DOCK4: variants seen among roughly 807,000 people sequenced by gnomAD.
DOCK4 encodes the protein dedicator of cytokinesis 4.
Under a neutral mutation model 268.1 loss-of-function variants are expected in DOCK4, and 97 were observed. That is an observed-to-expected ratio of 0.36 (90% CI 0.31 to 0.43). The LOEUF (loss-of-function observed/expected upper bound fraction) is 0.43, where lower values mean the gene tolerates loss of function less well. DOCK4 is among the 20% of genes least tolerant of loss of function. The probability of loss-of-function intolerance (pLI) is 1.00; values close to 1 mark genes in which losing one functional copy is unlikely to be tolerated. For synonymous variants in DOCK4, 954 were observed against 887.2 expected (o/e 1.08, Z -1.34); for missense variants, 2,145 against 2,455.7 (o/e 0.87, Z 2.67).
chr7:111,876,336 G>A (rs1323250871), intron 17 of DOCK4, among the ~76,000 whole-genome samples: 1 of 152,100 alleles, frequency 6.6e-6, no homozygotes, highest in African/African-American at 2.4e-5. Flanking sequence ...GCTGTTCTCT[G>A]ACACAGAAGA....
At chr7:112,040,308 T>C (rs772985119) in intron 1 of DOCK4, among the ~76,000 whole-genome samples, 12 of 152,230 alleles carry the variant, frequency 7.9e-5, no homozygotes, top group Non-Finnish European at 1.3e-4. Flanking sequence ...ATGTAGACAC[T>C]GTACTTTGGT....
chr7:111,872,390 A>G (rs370095002), intron 18 of DOCK4, 38 bp from the exon 19 acceptor site: 3 of 1,525,366 alleles, frequency 2.0e-6, no homozygotes, highest in Non-Finnish European at 2.7e-6. Flanking sequence ...TAAATAAGAT[A>G]CTATCTGTCT....
intron 1 of DOCK4, among the ~76,000 whole-genome samples, chr7:112,150,271 G>A (rs1815933834): frequency 6.6e-6 from 1 of 152,034 alleles, no homozygotes; most frequent in Non-Finnish European, 1.5e-5. Context: ...AATGTATACT[G>A]TCTTATCATG....
chr7:112,083,875 A>G (rs1808814925), intron 1 of DOCK4, among the ~76,000 whole-genome samples: 1 of 152,206 alleles, frequency 6.6e-6, no homozygotes, highest in Non-Finnish European at 1.5e-5. Flanking sequence ...ACCTCATGGA[A>G]TAAGTATACT....
At position 112,177,924 on chromosome 7, in the gene DOCK4, G is replaced by A. The variant is rs577663658; in HGVS notation, c.37+28178C>T. The stretch of plus-strand genomic sequence containing the variant: ...AAATCCCATGGGCATGACTGGCCAC[G>A]AGCTCTCATCTGCCTAGCACAGGCT... On this transcript the variant is annotated intron_variant, in intron 1 of 52. Transcript: ENST00000428084. Among the ~76,000 whole-genome samples, 8 of 152,278 alleles carry A rather than the reference G, an allele frequency of 5.3e-5. No homozygotes were observed. The East Asian group carries it at 1.5e-3, about 29-fold the overall frequency.
At chr7:111,742,363 T>G (rs773043941) in intron 44 of DOCK4, among the ~76,000 whole-genome samples, 2 of 152,212 alleles carry the variant, frequency 1.3e-5, no homozygotes, top group African/African-American at 2.4e-5. Context: ...ATTTCAGACT[T>G]AATTTTCCTA....
intron 8 of DOCK4, among the ~76,000 whole-genome samples, chr7:111,969,525 C>T (rs1199320175): frequency 1.3e-5 from 2 of 151,612 alleles, no homozygotes; most frequent in East Asian, 3.9e-4. Context: ...TGTCTAGAGA[C>T]TAAGTGTTTC....
chr7:112,101,194 C>T (rs1466048224), intron 1 of DOCK4, among the ~76,000 whole-genome samples: 15 of 152,182 alleles, frequency 9.9e-5, no homozygotes, highest in Admixed American at 9.8e-4. Flanking sequence ...GCAATTTTAT[C>T]ACAGGCAGAC....
intron 30 of DOCK4, among the ~76,000 whole-genome samples, chr7:111,797,774 G>A (rs566535153): frequency 6.6e-5 from 10 of 152,278 alleles, no homozygotes; most frequent in African/African-American, 2.4e-4. Flanking sequence ...CCAAAAGACA[G>A]ATAAGAATCC....
intron 1 of DOCK4, among the ~76,000 whole-genome samples, chr7:112,141,222 C>A (rs746046033): frequency 5.3e-5 from 8 of 152,084 alleles, no homozygotes; most frequent in Non-Finnish European, 1.0e-4. Context: ...TCCTCAATCC[C>A]GAATCCCACA....
chr7:112,193,995 T>C (rs1449990865), intron 1 of DOCK4, among the ~76,000 whole-genome samples: 1 of 151,950 alleles, frequency 6.6e-6, no homozygotes, highest in East Asian at 1.9e-4. Context: ...AAGACACAAA[T>C]CCTGTCAGAT....
chr7:111,803,392 A>G (rs775749072), intron 30 of DOCK4, among the ~76,000 whole-genome samples: 3 of 152,194 alleles, frequency 2.0e-5, no homozygotes, highest in East Asian at 1.9e-4. Flanking sequence ...TAGATTTAGT[A>G]TACTTTCTCT....
intron 13 of DOCK4, among the ~76,000 whole-genome samples, chr7:111,909,235 G>A (rs1419604100): frequency 6.6e-6 from 1 of 152,142 alleles, no homozygotes. Flanking sequence ...ATCTCATTGT[G>A]GTTTTGATTT....
chr7:111,820,949 T>C (rs1355250773), intron 27 of DOCK4: 2 of 152,180 alleles, frequency 1.3e-5, no homozygotes, highest in East Asian at 3.9e-4. Context: ...ATCTGTAGCA[T>C]GCGGACAACC....
At chr7:112,066,245 T>C (rs1586750291) in intron 1 of DOCK4, among the ~76,000 whole-genome samples, 1 of 152,036 alleles carries the variant, frequency 6.6e-6, no homozygotes, top group Non-Finnish European at 1.5e-5. Flanking sequence ...GAAGAAAGAC[T>C]ATTTTGCTCA....
At chr7:111,977,082 C>A in intron 8 of DOCK4, 50 bp downstream of exon 8, 1 of 1,593,134 alleles carries the variant, frequency 6.3e-7, no homozygotes, top group South Asian at 1.1e-5. Flanking sequence ...TCACAAATAT[C>A]CACCATTCTA....
At chr7:111,971,748 C>T in intron 8 of DOCK4, 1 of 305,354 alleles carries the variant, frequency 3.3e-6, no homozygotes, top group Non-Finnish European at 6.0e-6. Flanking sequence ...GTTTGGTGGT[C>T]CAAGGCCTGA....
At chr7:112,041,241 G>A (rs1804330012) in intron 1 of DOCK4, among the ~76,000 whole-genome samples, 1 of 152,194 alleles carries the variant, frequency 6.6e-6, no homozygotes, top group South Asian at 2.1e-4. Flanking sequence ...ACCCTGAGGT[G>A]TAGCTGTCAG....
intron 30 of DOCK4, among the ~76,000 whole-genome samples, chr7:111,795,559 G>C (rs1396033341): frequency 6.6e-6 from 1 of 152,188 alleles, no homozygotes; most frequent in Non-Finnish European, 1.5e-5. Context: ...GTGTCCTCTT[G>C]AAAATGATCA....
Sources: allele counts gnomAD v4.1 joint callset (sites outside exome capture counted in the v4.1 genomes callset), GRCh38; gene constraint gnomAD v4.1.1; transcripts MANE v1.5; gene names NCBI Gene and HGNC (gene_info 2026-07-23, HGNC 2026-07-21).